NGEF: variants seen among roughly 807,000 people sequenced by gnomAD.
The protein encoded by NGEF is ephexin-1.
NGEF carries 31 observed loss-of-function variants against 80.9 expected under a neutral mutation model. That is an observed-to-expected ratio of 0.38 (90% confidence interval 0.29 to 0.52). NGEF has a LOEUF of 0.52. NGEF is among the 20% of genes least tolerant of loss of function. The pLI, the probability that NGEF is intolerant of heterozygous loss-of-function variation, is 0.84. For missense variants in NGEF, 709 were observed against 926.2 expected, an observed-to-expected ratio of 0.77 and a Z score of 3.04; for synonymous variants, 371 against 370.2, an observed-to-expected ratio of 1.00 and a Z score of -0.03.
chr2:232,929,804 A>C (rs1012803628), intron 3 of NGEF, among the ~76,000 whole-genome samples: 23 of 152,154 alleles, frequency 1.5e-4, no homozygotes, highest in Middle Eastern at 3.2e-3. Flanking sequence ...GTCCCCACCC[A>C]AATCTCATCT....
chr2:232,893,591 T>C (rs1187649409), intron 6 of NGEF, among the ~76,000 whole-genome samples: 3 of 152,066 alleles, frequency 2.0e-5, no homozygotes, highest in Non-Finnish European at 4.4e-5. Context: ...CTGGCCAACA[T>C]GGTGAAACCC....
Position 232,920,275 on chromosome 2 carries a change from G to A in NGEF, c.828+9C>T, listed in dbSNP as rs746288478. 1.5e-5 allele frequency: 24 copies of A among 1,608,074 alleles called. No individual in the cohort carries two copies. The African/African-American group carries it at 1.7e-4, about 12-fold the overall frequency. On this transcript the variant is annotated intron_variant, in intron 5 of 14. Transcript: ENST00000264051. Reference sequence around the variant, plus strand: ...TGTGGGGGAGCCCCCGCCCCTCGGCGCCTGTTACCTCCTGCAGCTTAATCT... The same window carrying A: ...TGTGGGGGAGCCCCCGCCCCTCGGCACCTGTTACCTCCTGCAGCTTAATCT...
intron 1 of NGEF, among the ~76,000 whole-genome samples, chr2:233,000,404 CT>C (rs1401843191): frequency 6.6e-6 from 1 of 152,006 alleles, no homozygotes; most frequent in Non-Finnish European, 1.5e-5. Flanking sequence ...GCCTCTTCCT[CT>C]TTTTATGAGG....
At chr2:233,008,947 C>T (rs1695146269) in intron 1 of NGEF, among the ~76,000 whole-genome samples, 1 of 151,830 alleles carries the variant, frequency 6.6e-6, no homozygotes, top group Non-Finnish European at 1.5e-5. Flanking sequence ...ATTACAGGTG[C>T]CACTACGCCC....
intron 5 of NGEF, among the ~76,000 whole-genome samples, chr2:232,907,296 C>T (rs1257015775): frequency 6.6e-6 from 1 of 150,910 alleles, no homozygotes; most frequent in African/African-American, 2.4e-5. Context: ...AGGGTGTTTT[C>T]CTTGTGTGAA....
chr2:232,926,751 A>G (rs1402951448), intron 4 of NGEF, among the ~76,000 whole-genome samples: 1 of 152,188 alleles, frequency 6.6e-6, no homozygotes, highest in African/African-American at 2.4e-5. Context: ...TTTCTGGCAG[A>G]AGTGATAAGG....
At chr2:232,894,130 T>G (rs1691980040) in intron 6 of NGEF, among the ~76,000 whole-genome samples, 5 of 152,172 alleles carry the variant, frequency 3.3e-5, no homozygotes, top group Admixed American at 3.3e-4. Context: ...TGGTAAGTGC[T>G]CTTTCATCCT....
intron 3 of NGEF, chr2:232,927,785 G>A (rs1403087210): frequency 3.3e-6 from 2 of 609,960 alleles, no homozygotes; most frequent in African/African-American, 3.9e-5. Flanking sequence ...GCCCGCGGAG[G>A]AGGAGTGGGG....
chr2:232,997,532 C>T (rs191113201), intron 1 of NGEF, among the ~76,000 whole-genome samples: 3 of 152,068 alleles, frequency 2.0e-5, no homozygotes, highest in African/African-American at 7.2e-5. Flanking sequence ...GTGGAGATTT[C>T]TAGAACACAG....
intron 8 of NGEF, among the ~76,000 whole-genome samples, chr2:232,889,007 C>T (rs954472349): frequency 6.6e-6 from 1 of 152,206 alleles, no homozygotes; most frequent in African/African-American, 2.4e-5. Flanking sequence ...AACCACCTGT[C>T]CTCCCGGCTG....
chr2:232,905,707 G>A (rs1052333042), intron 5 of NGEF: 11 of 398,804 alleles, frequency 2.8e-5, no homozygotes, highest in African/African-American at 6.6e-5. Context: ...GAGCATCTCC[G>A]CCCGGCCGCC....
intron 1 of NGEF, among the ~76,000 whole-genome samples, chr2:232,996,675 A>G (rs1248831320): frequency 6.6e-6 from 1 of 152,134 alleles, no homozygotes; most frequent in African/African-American, 2.4e-5. Flanking sequence ...TTGTGTTTTT[A>G]GTAGAGGCGG....
Position 232,920,418 on chromosome 2 carries a change from C to T in NGEF, c.694G>A (p.Glu232Lys), listed in dbSNP as rs772546094. ...EEEEEPASPP[E>K]RKTLPQICLL... ...CAGATCTGGGGCAGAGTCTTCCTCTCTGGTGGGCTGGCCGGCTCCTCCTCC... is the reference window on the plus strand; with the variant it reads ...CAGATCTGGGGCAGAGTCTTCCTCTTTGGTGGGCTGGCCGGCTCCTCCTCC... The change falls in exon 5 of 15, where the codon GAG (glutamate) becomes AAG (lysine). Residue 232 changes from glutamate (E) to lysine (K), a missense_variant. By Grantham distance (56) the Glu-to-Lys change is moderately conservative. This residue lies in a region of NGEF where 283 missense variants were observed against 303.4 expected (regional missense o/e 0.93). Transcript: ENST00000264051. 1.7e-5 allele frequency: 28 copies of T among 1,614,028 alleles called. No homozygotes were observed. Among genetic ancestry groups the T allele is most frequent in the African/African-American group, 1.3e-5 (1 of 75,066 alleles).
At position 232,901,169 on chromosome 2, in the gene NGEF, C is replaced by A. The variant is rs541684766; in HGVS notation, c.829-6253G>T. Among the ~76,000 whole-genome samples the A allele has an allele frequency of 2.0e-5, 3 of 152,314 alleles. No individual in the cohort carries two copies. The South Asian group carries it at 6.2e-4, about 32-fold the overall frequency. On this transcript the variant is annotated intron_variant, in intron 5 of 14. Transcript: ENST00000264051. ...GGGCTTTTACGCAGCCCGCGGGCCC[C>A]AATTCCCTGTTACTTAAGGCAGTTC...
chr2:232,965,959 T>C (rs1694050997), intron 3 of NGEF, among the ~76,000 whole-genome samples: 1 of 152,122 alleles, frequency 6.6e-6, no homozygotes, highest in South Asian at 2.1e-4. Flanking sequence ...CCCTGCTCTG[T>C]AGGTTGGCAC....
rs1007757752 is a variant in NGEF at position 232,956,761 on chromosome 2, C to T, written c.383+13453G>A. Among the ~76,000 whole-genome samples, 12 of 111,086 alleles carry T rather than the reference C, an allele frequency of 1.1e-4. 1 individual carries two copies. Among genetic ancestry groups the T allele is most frequent in the Admixed American group, 1.1e-3 (8 of 7,500 alleles). The allele number at this position is 111,086 out of a possible 152,430, so 72.9% of individuals were successfully genotyped here. On this transcript the variant is annotated intron_variant, in intron 3 of 14. Transcript: ENST00000264051. ...TTGTGCCACTGCACTCCAGTCTGGG[C>T]GACAGAGCAAGACTCCATCTAAAAA...
At chr2:232,943,512 T>C (rs1693481382) in intron 3 of NGEF, among the ~76,000 whole-genome samples, 1 of 151,100 alleles carries the variant, frequency 6.6e-6, no homozygotes, top group Non-Finnish European at 1.5e-5. Flanking sequence ...TTTTTTTTTT[T>C]TGAGACGGAG....
intron 4 of NGEF, among the ~76,000 whole-genome samples, chr2:232,921,302 T>G (rs764652528): frequency 4.6e-5 from 7 of 151,900 alleles, no homozygotes; most frequent in Non-Finnish European, 1.0e-4. Flanking sequence ...TTGCCGTGGC[T>G]GGGTGGGATG....
At chr2:232,961,485 ATTTTATT>A (rs892380218) in intron 3 of NGEF, among the ~76,000 whole-genome samples, 11 of 152,134 alleles carry the variant, frequency 7.2e-5, no homozygotes, top group South Asian at 2.1e-4. Flanking sequence ...CAACCAGATT[ATTTTATT>A]TTTTATTTTT....
Sources: allele counts gnomAD v4.1 joint callset (sites outside exome capture counted in the v4.1 genomes callset), GRCh38; gene constraint gnomAD v4.1.1; regional missense constraint gnomAD v4.1.1; transcripts MANE v1.5; gene names NCBI Gene and HGNC (gene_info 2026-07-23, HGNC 2026-07-21).